Variants in LRP1-AS observed in about 807,000 individuals in gnomAD.
LRP1-AS encodes LRP1 antisense RNA.
At chr12:57,145,708 T>C (rs952549924) in intron 1 of LRP1-AS, among the ~76,000 whole-genome samples, 1 of 152,120 alleles carries the variant, frequency 6.6e-6, no homozygotes, top group Non-Finnish European at 1.5e-5. Flanking sequence ...GGCCCCTGCA[T>C]TTCTGGCCAA....
At chr12:57,145,160 T>G in intron 1 of LRP1-AS, 1 of 1,613,360 alleles carries the variant, frequency 6.2e-7, no homozygotes, top group Non-Finnish European at 8.5e-7. Context: ...TGTTCCCTGG[T>G]GGGTGGTGGC....
At position 57,145,019 on chromosome 12, in the gene LRP1-AS, A is replaced by G. The variant is rs2306691; in HGVS notation, n.246T>C. 1.1e-4 allele frequency: 181 copies of G among 1,614,154 alleles called. 3 individuals carry two copies. The East Asian group carries it at 3.9e-3, about 35-fold the overall frequency. On this transcript the variant is annotated non_coding_transcript_exon_variant, in exon 2 of 2. Transcript: ENST00000555461. ...CGGCACCTGCAGCCAGCTATGCACC[A>G]ACACAGACGGCTCCTTCATATGTGG...
chr12:57,144,720 G>T (rs2035364026), exon 2 of LRP1-AS: 2 of 526,084 alleles, frequency 3.8e-6, no homozygotes, highest in Non-Finnish European at 6.8e-6. Flanking sequence ...CCTGGCACCT[G>T]ACCCATAGTA....
intron 1 of LRP1-AS, chr12:57,145,273 C>T: frequency 6.2e-7 from 1 of 1,614,212 alleles, no homozygotes; most frequent in Non-Finnish European, 8.5e-7. Flanking sequence ...ACTCCCAGAA[C>T]ATCTTGGCCA....
chr12:57,145,897 G>A (rs1407719864), intron 1 of LRP1-AS, among the ~76,000 whole-genome samples: 1 of 152,120 alleles, frequency 6.6e-6, no homozygotes, highest in Non-Finnish European at 1.5e-5. Context: ...AAAGGAGCTG[G>A]GGCCCAGCTG....
At chr12:57,146,371 G>T (rs948640978) in intron 1 of LRP1-AS, 1 of 152,180 alleles carries the variant, frequency 6.6e-6, no homozygotes, top group African/African-American at 2.4e-5. Context: ...CTCTGCCTTG[G>T]TTTCCTAATC....
At chr12:57,144,892 G>A in exon 2 of LRP1-AS, 1 of 1,410,022 alleles carries the variant, frequency 7.1e-7, no homozygotes, top group Non-Finnish European at 1.0e-6. Flanking sequence ...GGATGGACAT[G>A]TTGATCATGT....
chr12:57,146,325 T>G (rs1023497401), intron 1 of LRP1-AS, among the ~76,000 whole-genome samples: 9 of 152,202 alleles, frequency 5.9e-5, no homozygotes, highest in Non-Finnish European at 1.0e-4. Flanking sequence ...GGAGATTAAC[T>G]TGATCTGTAA....
chr12:57,144,786 T>C, exon 2 of LRP1-AS: 1 of 628,974 alleles, frequency 1.6e-6, no homozygotes, highest in South Asian at 1.8e-5. Flanking sequence ...AGTGTTTCTC[T>C]AGAGTGGATT....
chr12:57,144,925 C>A (rs755972908), exon 2 of LRP1-AS: 21 of 1,594,706 alleles, frequency 1.3e-5, no homozygotes, highest in Non-Finnish European at 1.8e-5. Context: ...CACTTCGTTG[C>A]CCTTGTCACA....
intron 1 of LRP1-AS, among the ~76,000 whole-genome samples, chr12:57,146,182 CA>C (rs1415362208): frequency 1.3e-5 from 2 of 151,700 alleles, no homozygotes; most frequent in Non-Finnish European, 2.9e-5. Flanking sequence ...CTGCCGGGAA[CA>C]GCCCTGCCCA....
chr12:57,145,144 C>T, intron 1 of LRP1-AS: 1 of 1,613,540 alleles, frequency 6.2e-7, no homozygotes. Flanking sequence ...TAAGCCCCCT[C>T]AATGCTGTTC....
At chr12:57,144,863 TC>T (rs1272499115) in exon 2 of LRP1-AS, 64 of 1,113,322 alleles carry the variant, frequency 5.7e-5, no homozygotes, top group Non-Finnish European at 8.0e-5. Flanking sequence ...TGCCGAACTG[TC>T]CTTCAAGGTA....
intron 1 of LRP1-AS, among the ~76,000 whole-genome samples, chr12:57,145,820 T>G (rs1279440280): frequency 6.6e-6 from 1 of 151,916 alleles, no homozygotes; most frequent in Non-Finnish European, 1.5e-5. Context: ...TCCGGTGCAG[T>G]GGGAGCCAAG....
intron 1 of LRP1-AS, among the ~76,000 whole-genome samples, chr12:57,145,940 G>A (rs944197897): frequency 1.3e-5 from 2 of 152,162 alleles, no homozygotes; most frequent in South Asian, 2.1e-4. Context: ...TTCCCTCGGG[G>A]ACCATTGCCA....
intron 1 of LRP1-AS, chr12:57,145,428 G>A (rs757759198): frequency 2.8e-5 from 45 of 1,613,970 alleles, no homozygotes; most frequent in Admixed American, 1.5e-4. Context: ...AAGTGTGCCC[G>A]CATGCCTGGC....
exon 2 of LRP1-AS, chr12:57,144,703 A>G (rs1035315447): frequency 2.0e-6 from 1 of 492,328 alleles, no homozygotes; most frequent in Admixed American, 3.3e-5. Flanking sequence ...AAGTTCACTG[A>G]TGCACCCCTG....
chr12:57,145,970 CG>C (rs1331490065), intron 1 of LRP1-AS, among the ~76,000 whole-genome samples: 2 of 152,006 alleles, frequency 1.3e-5, no homozygotes, highest in African/African-American at 2.4e-5. Flanking sequence ...CTGCTGCCAT[CG>C]GGGGAGGGCA....
At chr12:57,145,064 C>T (rs911100326) in exon 2 of LRP1-AS, 1 of 1,613,956 alleles carries the variant, frequency 6.2e-7, no homozygotes, top group African/African-American at 1.3e-5. Context: ...AGGATACCTC[C>T]TGCAGCCGGA....
Sources: gnomAD v4.1 joint callset for allele counts (sites outside exome capture counted in the v4.1 genomes callset) on GRCh38, gnomAD v4.1.1 for gene constraint, MANE v1.5 for transcripts, NCBI Gene and HGNC (gene_info 2026-07-23, HGNC 2026-07-21) for gene names.